Variants in DNAH2 observed in about 807,000 individuals in gnomAD.
DNAH2 encodes the protein axonemal beta dynein heavy chain 2.
DNAH2 carries 323 observed loss-of-function variants against 523.5 expected under a neutral mutation model. The ratio of observed to expected loss-of-function variants is 0.62; its 90% confidence interval spans 0.56 to 0.68. DNAH2 has a LOEUF of 0.68. Ranked by LOEUF, DNAH2 falls within the 30% of genes least tolerant of loss-of-function variation. The pLI, the probability that DNAH2 is intolerant of heterozygous loss-of-function variation, is 0.00. For synonymous variants in DNAH2, 2,093 were observed against 2,177.4 expected (o/e 0.96, Z 1.08); for missense variants, 4,907 against 5,701.5 (o/e 0.86, Z 4.49).
rs762759117 is a variant in DNAH2 at position 7,816,602 on chromosome 17, A to G, written c.9761A>G (p.Gln3254Arg). The stretch of plus-strand genomic sequence containing the variant: ...GAGAAACTGGAGATGCTAAAGAAAC[A>G]GTATGATGAGAAGCTGGCACAGAAG... ...VAEKLEMLKK[Q>R]YDEKLAQKEE... The change falls in exon 64 of 86, where the codon CAG becomes CGG. Residue 3254 changes from glutamine to arginine, a missense_variant. By Grantham distance (43) the Gln-to-Arg change is conservative. This residue lies in a region of DNAH2 where 1,851 missense variants were observed against 2,139.4 expected (regional missense o/e 0.87). Coordinates refer to ENST00000572933, the MANE Select transcript of DNAH2 (RefSeq NM_020877.5). 9 of 1,614,138 alleles carry G rather than the reference A, an allele frequency of 5.6e-6. No homozygotes were observed. The East Asian group carries it at 1.3e-4, about 24-fold the overall frequency.
In DNAH2 at chr17:7,780,809, C is replaced by T; in HGVS notation, c.6003+27C>T. 3.7e-6 allele frequency: 6 copies of T among 1,613,728 alleles called. No individual in the cohort carries two copies. The highest frequency in any genetic ancestry group is 5.1e-6 in the Non-Finnish European group (6 of 1,179,922). On this transcript the variant is annotated intron_variant, in intron 38 of 85. Transcript: ENST00000572933. The surrounding 1 kb of genome is among the most constrained non-coding windows in gnomAD (Gnocchi z 4.4). Reference sequence around the variant, plus strand: ...TAGAGCAAGGACACAGCCTTTGGACCTGACTTCCACTGTCACTGGACCTAT... The same window carrying T: ...TAGAGCAAGGACACAGCCTTTGGACTTGACTTCCACTGTCACTGGACCTAT...
intron 13 of DNAH2, 24 bp downstream of exon 13, chr17:7,757,261 G>A (rs1255421296): frequency 6.2e-7 from 1 of 1,609,892 alleles, no homozygotes; most frequent in East Asian, 2.2e-5. Context: ...CCTCACTGCA[G>A]CCCTTCAAGA....
intron 12 of DNAH2, among the ~76,000 whole-genome samples, chr17:7,748,026 C>T (rs985285052): frequency 2.6e-5 from 4 of 152,236 alleles, no homozygotes; most frequent in Non-Finnish European, 4.4e-5. Context: ...TTCTGATGTT[C>T]CTCGGAATTA....
Position 7,780,733 on chromosome 17 carries a change from G to A in DNAH2, c.5954G>A (p.Arg1985His), listed in dbSNP as rs775562825. The change falls in exon 38 of 86, where the codon CGC becomes CAC. Residue 1985 changes from arginine (R) to histidine (H), a missense_variant. Physicochemically the swap from Arg to His is conservative, Grantham distance 29 (BLOSUM62 0). Around this residue, in one of 3 missense-constraint regions of DNAH2, gnomAD observed 2,806 missense variants for 3,190.8 expected, o/e 0.88. Coordinates refer to ENST00000572933, the MANE Select transcript of DNAH2 (RefSeq NM_020877.5). The surrounding 1 kb of genome is among the most constrained non-coding windows in gnomAD (Gnocchi z 4.4). ...CTGCGTGCCCTCACCTCCCTTCTGC[G>A]CTATGCTGGCAAGAAGCGCCGCCTA... ...FGLRALTSLL[R>H]YAGKKRRLQP... The A allele has an allele frequency of 1.1e-5, 17 of 1,614,136 alleles. No individual in the cohort carries two copies. Among genetic ancestry groups the A allele is most frequent in the East Asian group, 2.2e-5 (1 of 44,904 alleles).
intron 76 of DNAH2, 43 bp downstream of exon 76, chr17:7,824,347 C>T: frequency 6.7e-7 from 1 of 1,493,768 alleles, no homozygotes; most frequent in Non-Finnish European, 8.9e-7. Context: ...TCAGCCCAGT[C>T]CTTGTCCCTA....
rs1316174792 is a variant in DNAH2, at chr17:7,797,452, A to G, written c.8002A>G (p.Ile2668Val). 6.2e-7 allele frequency: 1 copy of G among 1,614,078 alleles called. No individual in the cohort carries two copies. Among genetic ancestry groups the G allele is most frequent in the African/African-American group, 1.3e-5 (1 of 74,906 alleles). ...DAADTEAFMG[I>V]ISDKLGSFFD... ...GGCAGACACAGAAGCCTTCATGGGC[A>G]TCATAAGCGACAAGCTCGGCTCCTT... The change falls in exon 52 of 86, where the codon ATC becomes GTC. Residue 2668 changes from isoleucine to valine, a missense_variant. Ile to Val is a conservative substitution (Grantham distance 29). Transcript: ENST00000572933.
chr17:7,727,169 A>C lies in DNAH2; in HGVS notation c.276A>C (p.Ala92=). 6.2e-7 allele frequency: 1 copy of C among 1,603,814 alleles called. No homozygotes were observed. The highest frequency in any genetic ancestry group is 8.5e-7 in the Non-Finnish European group (1 of 1,176,256). The change falls in exon 4 of 86, where the codon GCA becomes GCC. Residue 92 remains alanine, a synonymous_variant. Transcript: ENST00000572933. The stretch of plus-strand genomic sequence containing the variant: ...CTGCGCTGACAGGACTGGCGGATGC[A>C]GTGTGGACACAGGAGCATGATGCCA... ...SRAALTGLAD[A]VWTQEHDAIL...
At chr17:7,746,979 C>T (rs1182058924) in intron 12 of DNAH2, among the ~76,000 whole-genome samples, 1 of 141,500 alleles carries the variant, frequency 7.1e-6, no homozygotes, top group East Asian at 2.1e-4. Context: ...AAGAGTGAAA[C>T]TTTATCTCAA....
At chr17:7,763,041 T>C (rs769383251) in intron 18 of DNAH2, among the ~76,000 whole-genome samples, 1 of 151,976 alleles carries the variant, frequency 6.6e-6, no homozygotes, top group Non-Finnish European at 1.5e-5. Flanking sequence ...AGTGGCGCCA[T>C]CTTGGCTCAC....
Position 7,798,626 on chromosome 17 carries a change from C to G in DNAH2, c.8467C>G (p.Gln2823Glu). The G allele has an allele frequency of 6.2e-7, 1 of 1,614,082 alleles. No individual in the cohort carries two copies. The highest frequency in any genetic ancestry group is 1.1e-5 in the South Asian group (1 of 91,074). Residue 2823 changes from glutamine to glutamate, a missense_variant, in exon 55 of 86, where the codon CAA becomes GAA. This residue lies in a region of DNAH2 where 1,851 missense variants were observed against 2,139.4 expected (regional missense o/e 0.87). Coordinates refer to ENST00000572933, the MANE Select transcript of DNAH2 (RefSeq NM_020877.5). This position sits in a 1 kb window ranked among gnomAD's most constrained non-coding sequence, Gnocchi z 5.5. Reference protein sequence around the residue: ...KTTSFIFVDTQIADESFLEDI... With the variant: ...KTTSFIFVDTEIADESFLEDI... ...CACGTCCTTCATTTTTGTGGACACCCAAATAGCTGATGAGTCCTTCCTAGA... is the reference window on the plus strand; with the variant it reads ...CACGTCCTTCATTTTTGTGGACACCGAAATAGCTGATGAGTCCTTCCTAGA...
rs76344673 is a variant in DNAH2 at position 7,722,810 on chromosome 17, C to T, written c.167-818C>T. On this transcript the variant is annotated intron_variant, in intron 2 of 85. Coordinates refer to ENST00000572933, the MANE Select transcript of DNAH2 (RefSeq NM_020877.5). ...GTTAGAAGACACTGAGCTGTTGCCA[C>T]CTTTTGCCTATTGTGAATAATGCTG... Among the ~76,000 whole-genome samples, 809 of 152,208 alleles carry T rather than the reference C, an allele frequency of 5.3e-3. 25 individuals carry two copies. In the East Asian group the frequency reaches 0.093, roughly 18 times the overall value.
At chr17:7,753,465 A>G (rs1026278413) in intron 12 of DNAH2, among the ~76,000 whole-genome samples, 1 of 152,180 alleles carries the variant, frequency 6.6e-6, no homozygotes, top group African/African-American at 2.4e-5. Context: ...GGGAGTCCGC[A>G]TTGAAGGGAG....
At position 7,754,782 on chromosome 17, in the gene DNAH2, G is replaced by C; in HGVS notation, c.1905-2309G>C. The C allele has an allele frequency of 1.2e-6, 1 of 831,004 alleles. No homozygotes were observed. Among genetic ancestry groups the C allele is most frequent in the Non-Finnish European group, 2.0e-6 (1 of 488,870 alleles). 51.5% of individuals were successfully genotyped at this position (831,004 alleles called of 1,614,324 possible). On this transcript the variant is annotated intron_variant, in intron 12 of 85. Transcript: ENST00000572933. The surrounding 1 kb of genome is among the most constrained non-coding windows in gnomAD (Gnocchi z 4.6). ...GGCCAAGGATCAAACCAAGGCCCAG[G>C]CTGCAGCTCCAGCTTCAGTTTCAGC...
At position 7,719,765 on chromosome 17, in the gene DNAH2, T is replaced by C; in HGVS notation, c.31T>C (p.Leu11=). Residue 11 remains leucine, a synonymous_variant, in exon 2 of 86, where the codon TTG becomes CTG. Coordinates refer to ENST00000572933, the MANE Select transcript of DNAH2 (RefSeq NM_020877.5). MSSKAEKKQR[L]SGRGSSQASW... is the part of the protein sequence containing the mutation. Reference sequence around the variant, plus strand: ...CAGCAAAGCTGAGAAGAAGCAGCGATTGAGTGGCCGAGGAAGCTCCCAGGC... The same window carrying C: ...CAGCAAAGCTGAGAAGAAGCAGCGACTGAGTGGCCGAGGAAGCTCCCAGGC... The C allele has an allele frequency of 1.9e-6, 3 of 1,614,222 alleles. No homozygotes were observed. The highest frequency in any genetic ancestry group is 1.1e-5 in the South Asian group (1 of 91,086).
In DNAH2 at chr17:7,781,158, C is replaced by A; in HGVS notation, c.6120C>A (p.Asp2040Glu). The stretch of plus-strand genomic sequence containing the variant: ...CCAACATTGAGCTGCCTGTCATTGA[C>A]TATGGCAAGGTATTTGTTCCTTAAT... ...LFPNIELPVI[D>E]YGKLRETVEQ... Residue 2040 changes from aspartate (D) to glutamate (E), a missense_variant, in exon 39 of 86, where the codon GAC (aspartate) becomes GAA (glutamate). Transcript: ENST00000572933. The A allele has an allele frequency of 1.9e-6, 3 of 1,614,208 alleles. No individual in the cohort carries two copies. The highest frequency in any genetic ancestry group is 1.7e-6 in the Non-Finnish European group (2 of 1,180,048).
chr17:7,823,821 A>C lies in DNAH2; in HGVS notation c.11330-13A>C. On this transcript the variant is annotated splice_polypyrimidine_tract_variant and intron_variant, in intron 74 of 85. Transcript: ENST00000572933. Reference sequence around the variant, plus strand: ...TCACTCCCTCTCCCTGCAATGACTCACCTCATCCCCAGGTGAGTGGGAAAA... The same window carrying C: ...TCACTCCCTCTCCCTGCAATGACTCCCCTCATCCCCAGGTGAGTGGGAAAA... 6.2e-7 allele frequency: 1 copy of C among 1,613,108 alleles called. No homozygotes were observed. Among genetic ancestry groups the C allele is most frequent in the Non-Finnish European group, 8.5e-7 (1 of 1,179,456 alleles).
chr17:7,745,793 C>CAAAAAA (rs5819164), intron 12 of DNAH2, among the ~76,000 whole-genome samples: 7 of 123,776 alleles, frequency 5.7e-5, no homozygotes, highest in Non-Finnish European at 8.6e-5. Context: ...CTGTCTCAAA[C>CAAAAAA]AAAAAAAAAA....
Position 7,797,799 on chromosome 17 carries a change from C to T in DNAH2, c.8200C>T (p.Leu2734=). 1.2e-6 allele frequency: 2 copies of T among 1,613,642 alleles called. No homozygotes were observed. Among genetic ancestry groups the T allele is most frequent in the South Asian group, 2.2e-5 (2 of 91,020 alleles). ...NLSPSVVPMQ[L]VLFREAIEHI... is the part of the protein sequence containing the mutation. ...GTCACCCTCTGTCGTGCCCATGCAG[C>T]TAGTGCTCTTCCGAGAGGCTATTGA... Residue 2734 remains leucine (L), a synonymous_variant, in exon 53 of 86, where the codon CTA becomes TTA. Transcript: ENST00000572933.
intron 63 of DNAH2, among the ~76,000 whole-genome samples, chr17:7,812,763 A>C (rs1203887986): frequency 7.0e-6 from 1 of 142,358 alleles, no homozygotes; most frequent in Non-Finnish European, 1.5e-5. Flanking sequence ...TCTACTAAAA[A>C]TACCAAAAAA....
Sources: gnomAD v4.1 joint callset for allele counts (sites outside exome capture counted in the v4.1 genomes callset) on GRCh38, gnomAD v4.1.1 for gene constraint, gnomAD v4.1.1 regional missense constraint, Gnocchi (gnomAD v3.1) non-coding constraint, MANE v1.5 for transcripts, NCBI Gene and HGNC (gene_info 2026-07-23, HGNC 2026-07-21) for gene names.